SORCS3: variants seen among roughly 807,000 people sequenced by gnomAD.
SORCS3 encodes sortilin related VPS10 domain containing receptor 3.
Under a neutral mutation model 146.3 loss-of-function variants are expected in SORCS3, and 57 were observed. The ratio of observed to expected loss-of-function variants is 0.39; its 90% CI spans 0.31 to 0.49. The LOEUF is 0.49. SORCS3 is among the 20% of genes least tolerant of loss of function. SORCS3 has a pLI of 0.92. For synonymous variants in SORCS3, 653 were observed against 618.5 expected, an observed-to-expected ratio of 1.06 and a Z score of -0.83; for missense variants, 1,341 against 1,575.5, an observed-to-expected ratio of 0.85 and a Z score of 2.52.
intron 2 of SORCS3, among the ~76,000 whole-genome samples, chr10:104,878,679 C>A (rs542880489): frequency 6.6e-6 from 1 of 152,190 alleles, no homozygotes; most frequent in African/African-American, 2.4e-5. Flanking sequence ...TTAAAAATAA[C>A]ATAATCCAAT....
intron 2 of SORCS3, among the ~76,000 whole-genome samples, chr10:104,896,874 G>A (rs562870491): frequency 6.6e-6 from 1 of 152,300 alleles, no homozygotes; most frequent in East Asian, 1.9e-4. Context: ...GAGACCATAT[G>A]CCTCAGAGAG....
intron 5 of SORCS3, among the ~76,000 whole-genome samples, chr10:105,072,174 G>C (rs2055560692): frequency 6.6e-6 from 1 of 152,128 alleles, no homozygotes; most frequent in Admixed American, 6.5e-5. Flanking sequence ...GGGAGGTGGT[G>C]AGCTCTCGGA....
chr10:104,699,412 A>G (rs2016254494), intron 1 of SORCS3, among the ~76,000 whole-genome samples: 1 of 152,210 alleles, frequency 6.6e-6, no homozygotes, highest in Non-Finnish European at 1.5e-5. Context: ...ACAGCAAACA[A>G]GTATGAGCTC....
At chr10:105,046,377 C>T (rs2055371529) in intron 5 of SORCS3, among the ~76,000 whole-genome samples, 1 of 151,990 alleles carries the variant, frequency 6.6e-6, no homozygotes, top group Non-Finnish European at 1.5e-5. Flanking sequence ...CATGAGTGTC[C>T]GGTTTCTTCT....
intron 6 of SORCS3, among the ~76,000 whole-genome samples, chr10:105,096,786 G>A (rs2055749735): frequency 6.6e-6 from 1 of 152,088 alleles, no homozygotes. Context: ...TTGAGTCCTT[G>A]AAATGTGCTG....
At chr10:104,709,337 A>G (rs375453078) in intron 1 of SORCS3, among the ~76,000 whole-genome samples, 21 of 152,268 alleles carry the variant, frequency 1.4e-4, no homozygotes, top group African/African-American at 5.1e-4. Flanking sequence ...TTGGGCAATG[A>G]ACAGTGGTCT....
intron 5 of SORCS3, among the ~76,000 whole-genome samples, chr10:105,084,938 G>A (rs930455401): frequency 4.7e-4 from 72 of 152,110 alleles, no homozygotes; most frequent in African/African-American, 1.5e-3. Context: ...CACCATGTTA[G>A]CCAGGATGGT....
intron 2 of SORCS3, among the ~76,000 whole-genome samples, chr10:104,896,051 G>A (rs530669922): frequency 3.2e-4 from 48 of 152,070 alleles, no homozygotes; most frequent in Non-Finnish European, 5.1e-4. Context: ...TTCTCTTTAT[G>A]CAGAGTCCCT....
chr10:105,157,102 C>T, intron 9 of SORCS3, 36 bp from the exon 10 acceptor site: 2 of 1,609,918 alleles, frequency 1.2e-6, no homozygotes, highest in Non-Finnish European at 8.5e-7. Context: ...GCATGTTGGC[C>T]CAGCATGGTT....
intron 20 of SORCS3, among the ~76,000 whole-genome samples, chr10:105,229,386 T>C (rs964342357): frequency 3.9e-5 from 6 of 152,214 alleles, no homozygotes; most frequent in Admixed American, 2.0e-4. Flanking sequence ...TGGAGAATTA[T>C]TGTGTTCCTT....
At chr10:105,223,024 C>A in intron 19 of SORCS3, 92 bp from the exon 20 acceptor site, 1 of 1,329,952 alleles carries the variant, frequency 7.5e-7, no homozygotes, top group Non-Finnish European at 1.0e-6. Context: ...ACAGGAGATG[C>A]GAATAGAATT....
intron 1 of SORCS3, 91 bp downstream of exon 1, chr10:104,642,045 G>T: frequency 2.9e-6 from 4 of 1,400,080 alleles, no homozygotes; most frequent in African/African-American, 1.5e-5. Flanking sequence ...ATAGTTGCTC[G>T]GGGGTCGAGG....
chr10:104,777,222 T>C (rs1234677946), intron 1 of SORCS3, among the ~76,000 whole-genome samples: 1 of 152,148 alleles, frequency 6.6e-6, no homozygotes, highest in African/African-American at 2.4e-5. Context: ...ATGTCATCAT[T>C]TTGCAAATAA....
chr10:105,015,597 T>C (rs2055159968), intron 4 of SORCS3, among the ~76,000 whole-genome samples: 1 of 152,148 alleles, frequency 6.6e-6, no homozygotes, highest in Non-Finnish European at 1.5e-5. Context: ...TACATACCTA[T>C]GGGGTAGAAT....
chr10:105,155,967 C>A (rs1211373905), intron 9 of SORCS3, among the ~76,000 whole-genome samples: 2 of 152,180 alleles, frequency 1.3e-5, no homozygotes, highest in African/African-American at 4.8e-5. Flanking sequence ...GAAGAGAAGA[C>A]TTTTTATTTC....
chr10:105,133,905 C>T (rs2056039407), intron 7 of SORCS3, among the ~76,000 whole-genome samples: 1 of 152,128 alleles, frequency 6.6e-6, no homozygotes, highest in Admixed American at 6.5e-5. Flanking sequence ...CTTCAGTGAA[C>T]CATGATTGTA....
At chr10:105,143,138 T>A (rs945075211) in intron 8 of SORCS3, among the ~76,000 whole-genome samples, 1 of 152,160 alleles carries the variant, frequency 6.6e-6, no homozygotes, top group African/African-American at 2.4e-5. Context: ...AGTGGCCACC[T>A]GCATGCCAAA....
At chr10:105,169,170 G>A (rs11192346) in intron 13 of SORCS3, among the ~76,000 whole-genome samples, 13,543 of 152,054 alleles carry the variant, frequency 0.089, 749 homozygotes, top group Admixed American at 0.16. Context: ...CTTTCTCAAG[G>A]CTAGACATGT....
intron 5 of SORCS3, among the ~76,000 whole-genome samples, chr10:105,057,390 G>A (rs1211790793): frequency 6.6e-6 from 1 of 151,984 alleles, no homozygotes; most frequent in East Asian, 1.9e-4. Context: ...GCTACATATG[G>A]GTATAACAGT....
Sources: allele counts gnomAD v4.1 joint callset (sites outside exome capture counted in the v4.1 genomes callset), GRCh38; gene constraint gnomAD v4.1.1; transcripts MANE v1.5; gene names NCBI Gene and HGNC (gene_info 2026-07-23, HGNC 2026-07-21).